The following GRM7 variants were observed in gnomAD, a reference collection of about 807,000 sequenced individuals.
The protein encoded by GRM7 is metabotropic glutamate receptor 7.
GRM7 carries 35 observed loss-of-function variants against 84.5 expected under a neutral mutation model. The ratio of observed to expected loss-of-function variants is 0.41; its 90% CI spans 0.32 to 0.55. The LOEUF is 0.55. GRM7 is among the 20% of genes least tolerant of loss of function. The pLI is 0.19. For missense variants in GRM7, 1,003 were observed against 1,194.6 expected, an observed-to-expected ratio of 0.84 and a Z score of 2.36; for synonymous variants, 487 against 455.1, an observed-to-expected ratio of 1.07 and a Z score of -0.89.
chr3:7,045,863 A>G (rs973812127), intron 1 of GRM7, among the ~76,000 whole-genome samples: 2 of 152,100 alleles, frequency 1.3e-5, no homozygotes, highest in Admixed American at 6.6e-5. Flanking sequence ...ATTCCTTTGA[A>G]TTTCAGGTTT....
intron 2 of GRM7, among the ~76,000 whole-genome samples, chr3:7,208,967 A>G (rs1458898604): frequency 2.0e-5 from 3 of 152,228 alleles, no homozygotes; most frequent in Non-Finnish European, 4.4e-5. Context: ...CGATGGGATT[A>G]TGTCCTGATA....
intron 1 of GRM7, among the ~76,000 whole-genome samples, chr3:6,972,190 C>T (rs1693783101): frequency 6.6e-6 from 1 of 152,138 alleles, no homozygotes; most frequent in Admixed American, 6.5e-5. Context: ...TTTCTCACTT[C>T]ATTGACGTCA....
At chr3:7,719,308 T>C (rs1048523633) in intron 9 of GRM7, among the ~76,000 whole-genome samples, 2 of 152,138 alleles carry the variant, frequency 1.3e-5, no homozygotes, top group Admixed American at 6.5e-5. Context: ...AGATGGCCAT[T>C]CTCTGAAGTG....
In GRM7 at chr3:7,340,874, G is replaced by A. The variant is rs567620006; in HGVS notation, c.1033+34222G>A. On this transcript the variant is annotated intron_variant, in intron 4 of 9. Coordinates refer to ENST00000357716, the MANE Select transcript of GRM7 (RefSeq NM_000844.4). ...TTGCAATGTGTTCTAACAGTGCAAG[G>A]GTAGGAATTACGTGTCTGCATCAAG... 6.4e-4 allele frequency among the ~76,000 whole-genome samples: 98 copies of A among 152,244 alleles called. 1 individual carries two copies. Among genetic ancestry groups the A allele is most frequent in the African/African-American group, 2.2e-3 (90 of 41,570 alleles).
intron 8 of GRM7, among the ~76,000 whole-genome samples, chr3:7,630,775 A>C (rs1697828543): frequency 6.6e-6 from 1 of 152,232 alleles, no homozygotes; most frequent in South Asian, 2.1e-4. Context: ...ATTTGGGAGA[A>C]AACAGTTGAC....
chr3:6,921,715 G>A (rs1697131235), intron 1 of GRM7, among the ~76,000 whole-genome samples: 1 of 152,044 alleles, frequency 6.6e-6, no homozygotes, highest in South Asian at 2.1e-4. Flanking sequence ...TTCCTACCAA[G>A]GGATCTGTGT....
intron 8 of GRM7, among the ~76,000 whole-genome samples, chr3:7,599,116 G>A (rs1007707695): frequency 9.2e-5 from 14 of 152,040 alleles, no homozygotes; most frequent in African/African-American, 2.9e-4. Flanking sequence ...ACCTTCCTAG[G>A]GGCCTGTCAT....
At chr3:7,379,469 C>A (rs1367056670) in intron 4 of GRM7, among the ~76,000 whole-genome samples, 9 of 152,146 alleles carry the variant, frequency 5.9e-5, no homozygotes, top group Admixed American at 6.6e-5. Flanking sequence ...CTAAGACTTA[C>A]CAAACTAAAT....
chr3:7,464,597 G>A (rs1698384198), intron 7 of GRM7, among the ~76,000 whole-genome samples: 1 of 151,988 alleles, frequency 6.6e-6, no homozygotes, highest in South Asian at 2.1e-4. Flanking sequence ...TTGGGAGGCT[G>A]AGGTGGGCAG....
intron 4 of GRM7, among the ~76,000 whole-genome samples, chr3:7,346,707 G>A (rs896700816): frequency 1.3e-5 from 2 of 152,034 alleles, no homozygotes; most frequent in African/African-American, 4.8e-5. Flanking sequence ...ACTGGAAAAC[G>A]TACTACCAGT....
chr3:7,339,108 C>T (rs1169266615), intron 4 of GRM7, among the ~76,000 whole-genome samples: 1 of 151,944 alleles, frequency 6.6e-6, no homozygotes, highest in Non-Finnish European at 1.5e-5. Context: ...GATCATGTCC[C>T]AAATATGTTC....
At position 6,970,163 on chromosome 3, in the gene GRM7, C is replaced by G. The variant is rs184856672; in HGVS notation, c.519+108256C>G. ...ACCTGGTTCCCAGCCAAGAGTGACT[C>G]AGGGCATCTTCCAGTGCAAAAAGCT... On this transcript the variant is annotated intron_variant, in intron 1 of 9. Coordinates refer to ENST00000357716, the MANE Select transcript of GRM7 (RefSeq NM_000844.4). 3.5e-3 allele frequency among the ~76,000 whole-genome samples: 538 copies of G among 152,252 alleles called. 1 individual carries two copies. Among genetic ancestry groups the G allele is most frequent in the African/African-American group, 0.012 (493 of 41,556 alleles).
At chr3:7,235,372 C>A (rs982604613) in intron 2 of GRM7, among the ~76,000 whole-genome samples, 1 of 152,144 alleles carries the variant, frequency 6.6e-6, no homozygotes, top group Non-Finnish European at 1.5e-5. Flanking sequence ...AGTACAGAAT[C>A]TTTCACTTCT....
chr3:7,721,734 T>A (rs1184771498), intron 9 of GRM7, among the ~76,000 whole-genome samples: 1 of 152,242 alleles, frequency 6.6e-6, no homozygotes, highest in East Asian at 1.9e-4. Flanking sequence ...ACTCAATGAT[T>A]CCCAGTTCCA....
intron 1 of GRM7, among the ~76,000 whole-genome samples, chr3:7,089,248 A>G (rs1313124298): frequency 6.6e-6 from 1 of 152,214 alleles, no homozygotes; most frequent in Non-Finnish European, 1.5e-5. Flanking sequence ...AAGAAATGTT[A>G]TACATAAAAT....
At chr3:7,430,068 T>G (rs925854167) in intron 5 of GRM7, among the ~76,000 whole-genome samples, 1 of 152,164 alleles carries the variant, frequency 6.6e-6, no homozygotes, top group Non-Finnish European at 1.5e-5. Flanking sequence ...AGGATTACTT[T>G]GAGCCCAGAA....
chr3:7,721,851 C>T (rs1293298759), intron 9 of GRM7, among the ~76,000 whole-genome samples: 1 of 152,184 alleles, frequency 6.6e-6, no homozygotes, highest in Non-Finnish European at 1.5e-5. Flanking sequence ...TTTGGCAATT[C>T]CCTGCTTTCC....
intron 2 of GRM7, among the ~76,000 whole-genome samples, chr3:7,278,168 C>G (rs1255090872): frequency 6.6e-6 from 1 of 151,988 alleles, no homozygotes; most frequent in African/African-American, 2.4e-5. Context: ...CTAAGATATA[C>G]TCAAAACTAT....
At chr3:7,065,249 C>T (rs775971772) in intron 1 of GRM7, among the ~76,000 whole-genome samples, 1 of 151,868 alleles carries the variant, frequency 6.6e-6, no homozygotes, top group Non-Finnish European at 1.5e-5. Flanking sequence ...GGTTCTTGGT[C>T]ATGAAGTCCT....
Sources: gnomAD v4.1 joint callset for allele counts (sites outside exome capture counted in the v4.1 genomes callset) on GRCh38, gnomAD v4.1.1 for gene constraint, MANE v1.5 for transcripts, NCBI Gene and HGNC (gene_info 2026-07-23, HGNC 2026-07-21) for gene names.